Variants in AHI1 observed in about 807,000 individuals in gnomAD.
The protein encoded by AHI1 is jouberin.
Under a neutral mutation model 149.3 loss-of-function variants are expected in AHI1, and 123 were observed. The ratio of observed to expected loss-of-function variants is 0.82; its 90% CI spans 0.71 to 0.96. The LOEUF (loss-of-function observed/expected upper bound fraction) is 0.96, where lower values mean the gene tolerates loss of function less well. Among genes scored for constraint, AHI1 ranks in the 40% least tolerant of loss-of-function variants. The pLI is 0.00. For missense variants in AHI1, 1,439 were observed against 1,422.7 expected, an observed-to-expected ratio of 1.01 and a Z score of -0.18; for synonymous variants, 475 against 459.8, an observed-to-expected ratio of 1.03 and a Z score of -0.42.
chr6:135,418,594 T>C (rs1280010430), intron 20 of AHI1, among the ~76,000 whole-genome samples: 1 of 152,102 alleles, frequency 6.6e-6, no homozygotes, highest in Non-Finnish European at 1.5e-5. Flanking sequence ...CCTTTGCATT[T>C]GAAGCAAATG....
At chr6:135,487,864 T>A (rs1300114567) in intron 5 of AHI1, among the ~76,000 whole-genome samples, 1 of 152,156 alleles carries the variant, frequency 6.6e-6, no homozygotes, top group African/African-American at 2.4e-5. Context: ...CTTTGATTCA[T>A]ATCTAGAAAT....
intron 19 of AHI1, among the ~76,000 whole-genome samples, chr6:135,428,289 A>G (rs1784181790): frequency 6.6e-6 from 1 of 151,672 alleles, no homozygotes; most frequent in Non-Finnish European, 1.5e-5. Flanking sequence ...ACCTAATCAT[A>G]TTCCAAATTC....
chr6:135,441,420 T>C (rs1786278273), intron 14 of AHI1, among the ~76,000 whole-genome samples: 1 of 151,622 alleles, frequency 6.6e-6, no homozygotes, highest in Non-Finnish European at 1.5e-5. Flanking sequence ...TTTCAAGAAA[T>C]AATGACTGAA....
chr6:135,479,355 T>C (rs1240443964), intron 5 of AHI1, among the ~76,000 whole-genome samples: 1 of 152,146 alleles, frequency 6.6e-6, no homozygotes, highest in African/African-American at 2.4e-5. Context: ...AGCCACAGGG[T>C]AGAGCTGCCC....
intron 24 of AHI1, among the ~76,000 whole-genome samples, chr6:135,354,428 T>C (rs1792640276): frequency 6.6e-6 from 1 of 152,166 alleles, no homozygotes; most frequent in African/African-American, 2.4e-5. Context: ...CCAGAAAATA[T>C]GAAAAGCTAT....
At chr6:135,384,088 C>T (rs923213124) in intron 23 of AHI1, among the ~76,000 whole-genome samples, 1 of 152,134 alleles carries the variant, frequency 6.6e-6, no homozygotes, top group South Asian at 2.1e-4. Flanking sequence ...ATAATAAAAA[C>T]CACTTATTGA....
chr6:135,457,363 T>C (rs746246522), intron 9 of AHI1, 131 bp downstream of exon 9: 12 of 652,256 alleles, frequency 1.8e-5, no homozygotes, highest in Non-Finnish European at 2.9e-5. Context: ...GATGAACACC[T>C]ACAACTAGTA....
At chr6:135,483,577 A>G (rs1216489590) in intron 5 of AHI1, among the ~76,000 whole-genome samples, 1 of 152,210 alleles carries the variant, frequency 6.6e-6, no homozygotes. Context: ...CAACTTCATA[A>G]ATAATTATAG....
intron 15 of AHI1, among the ~76,000 whole-genome samples, chr6:135,434,598 A>G (rs1419594313): frequency 6.6e-6 from 1 of 152,122 alleles, no homozygotes; most frequent in African/African-American, 2.4e-5. Flanking sequence ...TTAAAAAAAT[A>G]AAAGTAAAGC....
intron 23 of AHI1, among the ~76,000 whole-genome samples, chr6:135,368,612 G>A (rs937809625): frequency 3.9e-5 from 6 of 152,142 alleles, no homozygotes; most frequent in African/African-American, 1.4e-4. Flanking sequence ...TCAGGCTGAT[G>A]GAGTTACTTT....
intron 23 of AHI1, among the ~76,000 whole-genome samples, chr6:135,359,936 T>C (rs1793595262): frequency 6.6e-6 from 1 of 152,146 alleles, no homozygotes; most frequent in Non-Finnish European, 1.5e-5. Flanking sequence ...GTTTCCATTT[T>C]AGGATAAGAA....
intron 26 of AHI1, among the ~76,000 whole-genome samples, chr6:135,316,522 A>C (rs997741136): frequency 7.2e-5 from 11 of 152,024 alleles, no homozygotes; most frequent in Admixed American, 2.0e-4. Context: ...GTTTCCAACT[A>C]TACTCTTCTT....
intron 5 of AHI1, among the ~76,000 whole-genome samples, chr6:135,487,422 T>A (rs1351579846): frequency 6.6e-6 from 1 of 152,174 alleles, no homozygotes; most frequent in Admixed American, 6.5e-5. Context: ...ATATATCTAA[T>A]GTAAAATCTT....
intron 8 of AHI1, 104 bp from the exon 9 acceptor site, chr6:135,457,817 A>T: frequency 9.2e-7 from 1 of 1,091,510 alleles, no homozygotes. Flanking sequence ...ACTGTGTTCA[A>T]AGGAACTTCA....
intron 11 of AHI1, among the ~76,000 whole-genome samples, chr6:135,450,761 T>C (rs1787966033): frequency 6.6e-6 from 1 of 152,214 alleles, no homozygotes. Context: ...CCTGCCATTA[T>C]GGTTATAAAT....
intron 24 of AHI1, among the ~76,000 whole-genome samples, chr6:135,331,851 T>G (rs1385577513): frequency 6.6e-6 from 1 of 152,142 alleles, no homozygotes. Context: ...TGCTTTCTCC[T>G]TGACTAACCT....
intron 20 of AHI1, among the ~76,000 whole-genome samples, chr6:135,422,927 T>A (rs1443892057): frequency 6.6e-6 from 1 of 152,094 alleles, no homozygotes; most frequent in Non-Finnish European, 1.5e-5. Context: ...ACTTTTTAAA[T>A]TTACTTCATG....
intron 20 of AHI1, among the ~76,000 whole-genome samples, chr6:135,419,489 T>A (rs1782846845): frequency 6.6e-6 from 1 of 151,774 alleles, no homozygotes. Context: ...AAAGCATATA[T>A]CTCAATAAAG....
At chr6:135,302,475 T>C in intron 26 of AHI1, 1 of 1,013,970 alleles carries the variant, frequency 9.9e-7, no homozygotes, top group South Asian at 4.1e-5. Context: ...TGCTGTGATA[T>C]CCTCAGAAAG....
Sources: allele counts gnomAD v4.1 joint callset (sites outside exome capture counted in the v4.1 genomes callset), GRCh38; gene constraint gnomAD v4.1.1; transcripts MANE v1.5; gene names NCBI Gene and HGNC (gene_info 2026-07-23, HGNC 2026-07-21).